ZC3H12B: variants seen among roughly 807,000 people sequenced by gnomAD.
The protein encoded by ZC3H12B is probable ribonuclease ZC3H12B.
ZC3H12B carries 7 observed loss-of-function variants against 43.9 expected under a neutral mutation model. The observed-to-expected ratio is 0.16, with a 90% CI of 0.09 to 0.30. The LOEUF (loss-of-function observed/expected upper bound fraction) is 0.30. Ranked by LOEUF, ZC3H12B falls within the 10% of genes least tolerant of loss-of-function variation. ZC3H12B has a pLI of 1.00. For missense variants in ZC3H12B, 475 were observed against 670.2 expected (o/e 0.71, Z 3.22); for synonymous variants, 222 against 241.7 (o/e 0.92, Z 0.76).
At chrX:65,354,003 G>C in the ZC3H12B span, among the ~76,000 whole-genome samples, 1 of 111,684 alleles carries the variant, frequency 9.0e-6, no homozygotes, top group African/African-American at 3.3e-5. Flanking sequence ...CCCTGGGACA[G>C]AGCACCTAGG....
the ZC3H12B span, among the ~76,000 whole-genome samples, chrX:65,284,228 C>A: frequency 1.2e-5 from 1 of 82,712 alleles, no homozygotes; most frequent in African/African-American, 6.0e-5. Context: ...GTACAGATAT[C>A]AATGTAAGGA....
At chrX:65,171,445 G>A in the ZC3H12B span, among the ~76,000 whole-genome samples, 6 of 110,759 alleles carry the variant, frequency 5.4e-5, no homozygotes, top group Non-Finnish European at 7.6e-5. Flanking sequence ...GGTGTCAGTC[G>A]GCCCGTATTG....
chrX:65,265,311 G>T, the ZC3H12B span, among the ~76,000 whole-genome samples: 2 of 111,648 alleles, frequency 1.8e-5, no homozygotes, highest in African/African-American at 3.3e-5. Flanking sequence ...TGATACAGTG[G>T]GTCTAAGAAA....
chrX:65,179,407 A>T, the ZC3H12B span, among the ~76,000 whole-genome samples: 25 of 76,830 alleles, frequency 3.3e-4, no homozygotes, highest in African/African-American at 9.4e-4. Flanking sequence ...AAAGTTATTT[A>T]AAAAAAAAAA....
At chrX:65,221,663 G>T in the ZC3H12B span, among the ~76,000 whole-genome samples, 71 of 109,781 alleles carry the variant, frequency 6.5e-4, no homozygotes, top group African/African-American at 2.3e-3. Context: ...ACTCTGAACA[G>T]ATCAATAACA....
the ZC3H12B span, among the ~76,000 whole-genome samples, chrX:65,304,345 G>A: frequency 2.7e-5 from 3 of 111,680 alleles, no homozygotes; most frequent in South Asian, 7.4e-4. Context: ...GACCGGGTGC[G>A]GTGGCTCACG....
chrX:65,161,323 C>T, the ZC3H12B span, among the ~76,000 whole-genome samples: 1 of 111,207 alleles, frequency 9.0e-6, no homozygotes. Context: ...TCTTTGTTAA[C>T]TTTCTGTCTC....
At chrX:65,136,104 A>G in the ZC3H12B span, among the ~76,000 whole-genome samples, 1 of 111,866 alleles carries the variant, frequency 8.9e-6, no homozygotes, top group African/African-American at 3.2e-5. Context: ...ATGATTTTCA[A>G]TTGAAACCTC....
chrX:65,434,089 C>G (rs2067193272), intron 3 of ZC3H12B, among the ~76,000 whole-genome samples: 2 of 111,656 alleles, frequency 1.8e-5, no homozygotes, highest in Middle Eastern at 4.6e-3. Context: ...CCAATCTTGT[C>G]TTTGGCAGTT....
chrX:65,422,620 T>C (rs2067032292), intron 3 of ZC3H12B, among the ~76,000 whole-genome samples: 1 of 111,126 alleles, frequency 9.0e-6, no homozygotes, highest in African/African-American at 3.3e-5. Context: ...ACGTGCCATG[T>C]GGTTTGCTGC....
At chrX:65,460,497 G>C (rs1299605556) in intron 3 of ZC3H12B, among the ~76,000 whole-genome samples, 1 of 111,822 alleles carries the variant, frequency 8.9e-6, no homozygotes. Context: ...CATGGTACTG[G>C]TACCAAAACA....
intron 2 of ZC3H12B, among the ~76,000 whole-genome samples, chrX:65,374,043 C>T (rs1452178039): frequency 3.8e-5 from 2 of 52,372 alleles, no homozygotes; most frequent in Non-Finnish European, 6.3e-5. Flanking sequence ...ACTATATATA[C>T]AGTATATATA....
At chrX:65,066,724 G>C in the ZC3H12B span, among the ~76,000 whole-genome samples, 13 of 112,054 alleles carry the variant, frequency 1.2e-4, no homozygotes, top group South Asian at 4.8e-3. Flanking sequence ...ATTTAAGTCT[G>C]CTGAAGCTGC....
chrX:65,408,666 G>A lies in ZC3H12B; in HGVS notation n.407+9962G>A, dbSNP rs904021506. 1.9e-5 allele frequency: 19 copies of A among 1,001,054 alleles called. No individual in the cohort carries two copies. In the South Asian group the frequency reaches 3.4e-4, roughly 18 times the overall value. 82.5% of individuals were successfully genotyped at this position (1,001,054 alleles called of 1,213,427 possible). A position where few individuals can be genotyped will look rare whatever the true frequency, so the allele number is the denominator to read the frequency against. ...GATGCAGAGCACCACAGAGATGAGA[G>A]GCCCGGCAAGCCAGATTAGGACTTT... On this transcript the variant is annotated intron_variant and non_coding_transcript_variant, in intron 3 of 5. Coordinates refer to the ZC3H12B transcript ENST00000617377.
rs1569379799 is a variant in ZC3H12B at position 65,373,988 on chromosome X, A to AC, written n.295+4990_295+4991insC. The stretch of plus-strand genomic sequence containing the variant: ...TATATATAGTATATATATATACTAT[A>AC]TATATATAGTATATATATATAACTA... On this transcript the variant is annotated intron_variant and non_coding_transcript_variant, in intron 2 of 5. Transcript: ENST00000617377. Among the ~76,000 whole-genome samples the AC allele has an allele frequency of 1.8e-3, 81 of 45,466 alleles. 2 individuals are homozygous for AC. The highest frequency in any genetic ancestry group is 0.014 in the African/African-American group (81 of 5,698). 39.5% of individuals were successfully genotyped at this position (45,466 alleles called of 115,157 possible).
the ZC3H12B span, among the ~76,000 whole-genome samples, chrX:65,254,242 A>G: frequency 8.9e-6 from 1 of 111,767 alleles, no homozygotes; most frequent in Non-Finnish European, 1.9e-5. Flanking sequence ...GGACACTAAC[A>G]CCCTTGCACC....
chrX:65,209,814 G>C, the ZC3H12B span, among the ~76,000 whole-genome samples: 1 of 100,309 alleles, frequency 1.0e-5, no homozygotes, highest in Non-Finnish European at 2.0e-5. Flanking sequence ...ACAAGCAATG[G>C]GGAAAGGATT....
intron 3 of ZC3H12B, among the ~76,000 whole-genome samples, chrX:65,401,083 GAAA>G (rs113577235): frequency 7.9e-5 from 7 of 88,781 alleles, no homozygotes; most frequent in African/African-American, 2.7e-4. Flanking sequence ...ATCTACAGAG[GAAA>G]AAAAAAAAAA....
At chrX:65,153,918 A>G in the ZC3H12B span, among the ~76,000 whole-genome samples, 2 of 111,177 alleles carry the variant, frequency 1.8e-5, no homozygotes, top group Admixed American at 9.6e-5. Context: ...TGATGAGTTC[A>G]TGTCCTTTGT....
Sources: gnomAD v4.1 joint callset for allele counts (sites outside exome capture counted in the v4.1 genomes callset) on GRCh38, gnomAD v4.1.1 for gene constraint, MANE v1.5 for transcripts, NCBI Gene and HGNC (gene_info 2026-07-23, HGNC 2026-07-21) for gene names.